ZNF565: variants seen among roughly 807,000 people sequenced by gnomAD.
The protein encoded by ZNF565 is zinc finger protein 565.
In ZNF565, 27 loss-of-function variants were observed where a neutral mutation model predicts 39.4. The observed-to-expected ratio is 0.69, with a 90% CI of 0.51 to 0.95. ZNF565 has a LOEUF of 0.95. Among genes scored for constraint, ZNF565 ranks in the 40% least tolerant of loss-of-function variants. The pLI, the probability that ZNF565 is intolerant of heterozygous loss-of-function variation, is 0.00. For missense variants in ZNF565, 524 were observed against 621.1 expected, an observed-to-expected ratio of 0.84 and a Z score of 1.66; for synonymous variants, 185 against 216.6, an observed-to-expected ratio of 0.85 and a Z score of 1.28.
chr19:36,200,179 T>G (rs1231215751), intron 2 of ZNF565, among the ~76,000 whole-genome samples: 1 of 151,368 alleles, frequency 6.6e-6, no homozygotes, highest in African/African-American at 2.4e-5. Flanking sequence ...ACATGCGCCA[T>G]CATGCCCGGC....
At chr19:36,208,563 C>G (rs1332127167) in intron 1 of ZNF565, among the ~76,000 whole-genome samples, 11 of 152,072 alleles carry the variant, frequency 7.2e-5, no homozygotes, top group Non-Finnish European at 8.8e-5. Context: ...AAACTTTGTA[C>G]AAATCCTTCT....
intron 3 of ZNF565, 53 bp from the exon 4 acceptor site, chr19:36,194,381 C>T: frequency 1.4e-6 from 2 of 1,424,340 alleles, no homozygotes; most frequent in South Asian, 1.3e-5. Flanking sequence ...AAATCCAAAC[C>T]CAGTTCCCTG....
chr19:36,220,732 C>T (rs1363216408), intron 1 of ZNF565, among the ~76,000 whole-genome samples: 1 of 152,048 alleles, frequency 6.6e-6, no homozygotes, highest in Admixed American at 6.6e-5. Flanking sequence ...TTGCTTTATC[C>T]TGCAATATAA....
intron 1 of ZNF565, among the ~76,000 whole-genome samples, chr19:36,230,042 C>G (rs1977257514): frequency 6.6e-6 from 1 of 152,170 alleles, no homozygotes; most frequent in Admixed American, 6.5e-5. Flanking sequence ...AACCTGTCTC[C>G]TACTAATGGG....
upstream of ZNF565, among the ~76,000 whole-genome samples, chr19:36,217,441 T>C (rs1049874803): frequency 6.6e-5 from 10 of 151,846 alleles, no homozygotes; most frequent in East Asian, 3.9e-4. Context: ...CAGTGGGAGA[T>C]TGGTGTACAT....
rs989065125 is a variant in ZNF565, at chr19:36,245,779, C to T, written c.-249G>A. 11 of 509,982 alleles carry T rather than the reference C, an allele frequency of 2.2e-5. No homozygotes were observed. The highest frequency in any genetic ancestry group is 3.5e-5 in the Non-Finnish European group (10 of 287,370). 31.6% of individuals were successfully genotyped at this position (509,982 alleles called of 1,614,324 possible). On this transcript the variant is annotated 5_prime_UTR_variant, in exon 1 of 5. Transcript: ENST00000355114. The surrounding 1 kb of genome is among the most constrained non-coding windows in gnomAD (Gnocchi z 4.4). ...CCCGGGCTGCTTTTCTTGGAGGGCTCGGTGCCGGAGGCTACTCTTGAGTCC... is the reference window on the plus strand; with the variant it reads ...CCCGGGCTGCTTTTCTTGGAGGGCTTGGTGCCGGAGGCTACTCTTGAGTCC...
intron 1 of ZNF565, chr19:36,237,446 T>C (rs1977685986): frequency 2.5e-6 from 3 of 1,200,872 alleles, no homozygotes; most frequent in East Asian, 5.2e-5. Context: ...TACTAAAAAC[T>C]TAAGGGACAC....
chr19:36,198,602 T>C (rs1975847802), intron 2 of ZNF565, among the ~76,000 whole-genome samples: 1 of 147,252 alleles, frequency 6.8e-6, no homozygotes, highest in South Asian at 2.2e-4. Flanking sequence ...AACTTAATTG[T>C]ACATTTTTTT....
At position 36,183,380 on chromosome 19, in the gene ZNF565, C is replaced by T; in HGVS notation, c.586G>A (p.Gly196Arg). The stretch of plus-strand genomic sequence containing the variant: ...AAGGCCTTCCCACATTCCTTACATC[C>T]AAAGGGTTTTTCACCAGTGTGAATT... ...QKIHTGEKPF[G>R]CKECGKAFSR... The change falls in exon 5 of 5, where the codon GGA becomes AGA. Residue 196 changes from glycine (G) to arginine (R), a missense_variant. Physicochemically the swap from Gly to Arg is moderately radical, Grantham distance 125 (BLOSUM62 -2). Coordinates refer to ENST00000304116, the MANE Select transcript of ZNF565 (RefSeq NM_152477.5). 6.2e-7 allele frequency: 1 copy of T among 1,608,444 alleles called. No individual in the cohort carries two copies. The highest frequency in any genetic ancestry group is 1.3e-5 in the African/African-American group (1 of 74,918).
chr19:36,240,993 A>G (rs570065477), intron 1 of ZNF565, among the ~76,000 whole-genome samples: 1 of 152,326 alleles, frequency 6.6e-6, no homozygotes, highest in East Asian at 1.9e-4. Flanking sequence ...ATGACATAAC[A>G]AGAAGGCCCT....
intron 1 of ZNF565, chr19:36,237,376 C>T: frequency 6.5e-7 from 1 of 1,530,134 alleles, no homozygotes; most frequent in South Asian, 1.3e-5. Flanking sequence ...TGCACCTCAT[C>T]ATGCCCCAGA....
chr19:36,219,318 C>G (rs964476939), upstream of ZNF565, among the ~76,000 whole-genome samples: 1 of 152,110 alleles, frequency 6.6e-6, no homozygotes, highest in Non-Finnish European at 1.5e-5. Flanking sequence ...TGTGCCACCA[C>G]GACCTGCTAA....
rs373289614 is a variant in ZNF565 at position 36,182,960 on chromosome 19, C to T, written c.1006G>A (p.Glu336Lys). The change falls in exon 5 of 5, where the codon GAG becomes AAG. Residue 336 changes from glutamate (E) to lysine (K), a missense_variant. Glu to Lys is a moderately conservative substitution (Grantham distance 56). Transcript: ENST00000304116. Reference protein sequence around the residue: ...QRIHTGEKPYECKECGKGFIH... With the variant: ...QRIHTGEKPYKCKECGKGFIH... ...AAGCCCTTTCCGCATTCCTTACACT[C>T]GTAGGGTTTCTCACCAGTGTGGATT... The T allele has an allele frequency of 3.4e-5, 55 of 1,614,112 alleles. 1 individual carries two copies. The highest frequency in any genetic ancestry group is 1.9e-4 in the South Asian group (17 of 91,076).
At chr19:36,236,645 G>A (rs1384513716) in intron 1 of ZNF565, 6 of 1,614,146 alleles carry the variant, frequency 3.7e-6, no homozygotes, top group South Asian at 1.1e-5. Flanking sequence ...CCATACTGGC[G>A]AGAAGCTTTT....
chr19:36,196,001 A>T (rs539002744), intron 2 of ZNF565, among the ~76,000 whole-genome samples: 40 of 150,030 alleles, frequency 2.7e-4, no homozygotes, highest in Admixed American at 1.2e-3. Context: ...CAGTGGCACG[A>T]TCTTGGCTCA....
Position 36,183,563 on chromosome 19 carries a change from AAT to A in ZNF565, c.401_402del (p.Tyr134PhefsTer2). 1 of 1,614,206 alleles carries A rather than the reference AAT, an allele frequency of 6.2e-7. No homozygotes were observed. The highest frequency in any genetic ancestry group is 8.5e-7 in the Non-Finnish European group (1 of 1,180,042). ...QFERQVNEECYFKQVNVTYGH... is the reference protein window; with the variant it reads ...QFERQVNEECXFKQVNVTYGH... ...CCATAGGTGACGTTCACTTGCTTAA[AAT>A]AGCACTCTTCATTGACTTGTCTCTC... is the stretch of plus-strand genomic sequence containing the variant. On this transcript the variant is annotated frameshift_variant, in exon 5 of 5. Transcript: ENST00000304116. LOFTEE classifies it low-confidence loss of function (END_TRUNC).
Position 36,183,746 on chromosome 19 carries a change from A to G in ZNF565, c.233-13T>C. ...CTGGACTCCAAGTCTGAAAAATAAGAAAAAGATAAATACAAGCTGTGATCC... is the reference window on the plus strand; with the variant it reads ...CTGGACTCCAAGTCTGAAAAATAAGGAAAAGATAAATACAAGCTGTGATCC... On this transcript the variant is annotated splice_polypyrimidine_tract_variant and intron_variant, in intron 4 of 4. Transcript: ENST00000304116. 2 of 1,593,860 alleles carry G rather than the reference A, an allele frequency of 1.3e-6. No individual in the cohort carries two copies. The highest frequency in any genetic ancestry group is 2.2e-5 in the East Asian group (1 of 44,702).
intron 1 of ZNF565, among the ~76,000 whole-genome samples, chr19:36,235,076 G>A (rs1041849629): frequency 2.0e-5 from 3 of 151,726 alleles, no homozygotes; most frequent in Admixed American, 6.6e-5. Context: ...AGGTATGGTG[G>A]TGCACACCTG....
At position 36,182,624 on chromosome 19, in the gene ZNF565, C is replaced by T; in HGVS notation, c.1342G>A (p.Glu448Lys). 1 of 1,614,070 alleles carries T rather than the reference C, an allele frequency of 6.2e-7. No homozygotes were observed. The highest frequency in any genetic ancestry group is 1.3e-5 in the African/African-American group (1 of 75,036). The change falls in exon 5 of 5, where the codon GAA becomes AAA. Residue 448 changes from glutamate to lysine, a missense_variant. Glu to Lys is a moderately conservative substitution (Grantham distance 56). Transcript: ENST00000304116. ...QRIHTCEKPY[E>K]CRECGMAFIR... ...AAGGCCATTCCACACTCCCTGCATT[C>T]ATAGGGTTTCTCACAAGTGTGAATT... is the stretch of plus-strand genomic sequence containing the variant.
Sources: gnomAD v4.1 joint callset for allele counts (sites outside exome capture counted in the v4.1 genomes callset) on GRCh38, gnomAD v4.1.1 for gene constraint, Gnocchi (gnomAD v3.1) non-coding constraint, MANE v1.5 for transcripts, NCBI Gene and HGNC (gene_info 2026-07-23, HGNC 2026-07-21) for gene names.